CCDC30: variants seen among roughly 807,000 people sequenced by gnomAD.
CCDC30 encodes coiled-coil domain-containing protein 30.
A neutral mutation model predicts 100.2 loss-of-function variants in CCDC30; 70 were observed. That is an observed-to-expected ratio of 0.70 (90% CI 0.58 to 0.85). The LOEUF (loss-of-function observed/expected upper bound fraction) is 0.85. CCDC30 is among the 40% of genes least tolerant of loss of function. The pLI is 0.00. For missense variants in CCDC30, 652 were observed against 771.2 expected, an observed-to-expected ratio of 0.85 and a Z score of 1.83; for synonymous variants, 233 against 269.5, an observed-to-expected ratio of 0.86 and a Z score of 1.33.
chr1:42,484,143 A>G (rs1348470325), intron 3 of CCDC30, among the ~76,000 whole-genome samples: 3 of 151,628 alleles, frequency 2.0e-5, no homozygotes, highest in African/African-American at 7.3e-5. Context: ...TAAAAAAAAG[A>G]ATATCAGGAT....
chr1:42,537,045 G>A, intron 6 of CCDC30: 1 of 370,968 alleles, frequency 2.7e-6, no homozygotes, highest in South Asian at 2.1e-5. Flanking sequence ...TGAATAGGGA[G>A]GGAGAGCACA....
chr1:42,501,756 G>A (rs542460977), intron 6 of CCDC30, among the ~76,000 whole-genome samples: 88 of 152,278 alleles, frequency 5.8e-4, no homozygotes, highest in African/African-American at 2.0e-3. Context: ...ACCAGCAGAG[G>A]CTGCAGAACA....
Position 42,536,502 on chromosome 1 carries a change from T to A in CCDC30, c.457-29794T>A, listed in dbSNP as rs761237243. The A allele has an allele frequency of 1.4e-5, 22 of 1,606,812 alleles. No homozygotes were observed. The highest frequency in any genetic ancestry group is 1.9e-5 in the Non-Finnish European group (22 of 1,176,452). On this transcript the variant is annotated intron_variant, in intron 6 of 16. Transcript: ENST00000668663. ...TCCTGAAAATGAGCCAAGAAAAAAATGAAATGTTTGAAAGTGAGTGGTCAA... is the reference window on the plus strand; with the variant it reads ...TCCTGAAAATGAGCCAAGAAAAAAAAGAAATGTTTGAAAGTGAGTGGTCAA...
chr1:42,507,523 C>T (rs1644413522), intron 6 of CCDC30, among the ~76,000 whole-genome samples: 1 of 152,160 alleles, frequency 6.6e-6, no homozygotes, highest in Non-Finnish European at 1.5e-5. Flanking sequence ...TTCTTTATGA[C>T]TAGGTAAAAT....
At position 42,591,393 on chromosome 1, in the gene CCDC30, A is replaced by G. The variant is rs147275751; in HGVS notation, c.1164+1910A>G. The stretch of plus-strand genomic sequence containing the variant: ...CACTGCTCCCTGAATCCCAGCTACT[A>G]CAGCTCCAGCTGTGGCTCAAAGGAC... On this transcript the variant is annotated intron_variant, in intron 10 of 16. Transcript: ENST00000668663. 313 of 152,608 alleles carry G rather than the reference A, an allele frequency of 2.1e-3. 1 individual carries two copies. The highest frequency in any genetic ancestry group is 3.7e-3 in the Non-Finnish European group (253 of 68,268). 9.5% of individuals were successfully genotyped at this position (152,608 alleles called of 1,614,324 possible). A position where few individuals can be genotyped will look rare whatever the true frequency, so the allele number is the denominator to read the frequency against.
At chr1:42,562,627 A>T (rs961204848) in intron 6 of CCDC30, among the ~76,000 whole-genome samples, 1 of 152,222 alleles carries the variant, frequency 6.6e-6, no homozygotes, top group African/African-American at 2.4e-5. Flanking sequence ...TAAACTAAAG[A>T]GCTTCTGCAC....
intron 6 of CCDC30, among the ~76,000 whole-genome samples, chr1:42,557,719 A>ATATATTAAATAAAATATGTTAT (rs1570050701): frequency 9.3e-6 from 1 of 107,132 alleles, no homozygotes; most frequent in Non-Finnish European, 2.1e-5. Context: ...AAATATGTAA[A>ATATATTAAATAAAATATGTTAT]TAATAAAATA....
At chr1:42,564,713 C>T (rs1645570710) in intron 6 of CCDC30, among the ~76,000 whole-genome samples, 1 of 152,196 alleles carries the variant, frequency 6.6e-6, no homozygotes, top group Non-Finnish European at 1.5e-5. Flanking sequence ...TTAAGCTCTA[C>T]TCTTTTAACA....
At chr1:42,515,753 T>C (rs1644546709) in intron 6 of CCDC30, among the ~76,000 whole-genome samples, 2 of 152,244 alleles carry the variant, frequency 1.3e-5, no homozygotes, top group South Asian at 4.1e-4. Context: ...TTTTACTATC[T>C]GTCTCTATGA....
chr1:42,627,979 T>C (rs1646964204), intron 11 of CCDC30, among the ~76,000 whole-genome samples: 1 of 152,100 alleles, frequency 6.6e-6, no homozygotes, highest in South Asian at 2.1e-4. Flanking sequence ...GAACCCAGAA[T>C]GGTAGATCCA....
intron 7 of CCDC30, among the ~76,000 whole-genome samples, chr1:42,574,275 C>G (rs1172193224): frequency 1.3e-5 from 2 of 151,832 alleles, no homozygotes; most frequent in Admixed American, 1.3e-4. Flanking sequence ...ATTTCTAGTT[C>G]CATTTCTTTA....
intron 7 of CCDC30, among the ~76,000 whole-genome samples, chr1:42,571,860 T>C (rs1277072756): frequency 6.6e-6 from 1 of 152,228 alleles, no homozygotes; most frequent in South Asian, 2.1e-4. Context: ...TGAGCAGCTT[T>C]TATTGAAAGA....
At chr1:42,594,827 A>G (rs1156355676) in intron 10 of CCDC30, 3 of 152,212 alleles carry the variant, frequency 2.0e-5, no homozygotes, top group African/African-American at 7.2e-5. Flanking sequence ...GCTAATGGGT[A>G]TTGGCCTAAG....
chr1:42,529,861 C>T (rs1182950492), intron 6 of CCDC30: 1 of 152,218 alleles, frequency 6.6e-6, no homozygotes, highest in African/African-American at 2.4e-5. Context: ...TTCAGTTTCG[C>T]TTTCCACAGT....
At position 42,541,252 on chromosome 1, in the gene CCDC30, AGAGT is replaced by A. The variant is rs752818678; in HGVS notation, c.457-25042_457-25039del. On this transcript the variant is annotated intron_variant, in intron 6 of 16. Coordinates refer to ENST00000668663, the Ensembl canonical transcript of CCDC30. ...CATGGCCAACAGCAAAGAGAGAGAG[AGAGT>A]GCAAGCTTTTTCCTGTCTCTTCTCA... Among the ~76,000 whole-genome samples, 51 of 152,172 alleles carry A rather than the reference AGAGT, an allele frequency of 3.4e-4. No homozygotes were observed. The South Asian group carries it at 7.3e-3, about 22-fold the overall frequency.
intron 6 of CCDC30, among the ~76,000 whole-genome samples, chr1:42,532,028 A>G (rs1367790975): frequency 6.6e-6 from 1 of 152,156 alleles, no homozygotes; most frequent in Non-Finnish European, 1.5e-5. Flanking sequence ...GCAGTGGCTC[A>G]TACCTATAAT....
At position 42,616,889 on chromosome 1, in the gene CCDC30, A is replaced by C. The variant is rs373262641; in HGVS notation, c.1277+5799A>C. On this transcript the variant is annotated intron_variant, in intron 11 of 16. Transcript: ENST00000668663. ...CCTAAATATCAAATAATAGGAGACT[A>C]ATTAGGTAAAGTATAATACAGTCAC... Among the ~76,000 whole-genome samples the C allele has an allele frequency of 1.3e-4, 20 of 152,340 alleles. 1 individual carries two copies. Among genetic ancestry groups the C allele is most frequent in the African/African-American group, 4.1e-4 (17 of 41,582 alleles).
At chr1:42,562,258 A>G (rs1645504735) in intron 6 of CCDC30, among the ~76,000 whole-genome samples, 4 of 152,196 alleles carry the variant, frequency 2.6e-5, no homozygotes. Flanking sequence ...CAAAACAGAC[A>G]TATAGACCAA....
upstream of CCDC30, chr1:42,460,061 G>T (rs1355158625): frequency 7.1e-7 from 1 of 1,408,962 alleles, no homozygotes; most frequent in Admixed American, 3.0e-5. Context: ...AGGCAAATAT[G>T]GTTTGGCATT....
Sources: gnomAD v4.1 joint callset for allele counts (sites outside exome capture counted in the v4.1 genomes callset) on GRCh38, gnomAD v4.1.1 for gene constraint, MANE v1.5 for transcripts, NCBI Gene and HGNC (gene_info 2026-07-23, HGNC 2026-07-21) for gene names.